Variants in SLC41A3 observed in about 807,000 individuals in gnomAD.
The protein encoded by SLC41A3 is SLC41A1-like 2.
SLC41A3 carries 44 observed loss-of-function variants against 45.4 expected under a neutral mutation model. The ratio of observed to expected loss-of-function variants is 0.97; its 90% CI spans 0.76 to 1.25. The LOEUF (loss-of-function observed/expected upper bound fraction) is 1.25. SLC41A3 is among the 50% of genes most tolerant of loss of function. SLC41A3 has a pLI of 0.00. For synonymous variants in SLC41A3, 256 were observed against 252.4 expected (o/e 1.01, Z -0.13); for missense variants, 550 against 600.6 (o/e 0.92, Z 0.88).
At chr3:126,018,377 G>A (rs1380676715) in intron 6 of SLC41A3, among the ~76,000 whole-genome samples, 2 of 152,168 alleles carry the variant, frequency 1.3e-5, no homozygotes. Flanking sequence ...TAGCTTAAAA[G>A]TAAAGTTAGG....
chr3:126,086,908 G>C (rs928975455), upstream of SLC41A3, among the ~76,000 whole-genome samples: 1 of 152,008 alleles, frequency 6.6e-6, no homozygotes, highest in Admixed American at 6.6e-5. Flanking sequence ...AAAAATAAAA[G>C]CACTTAAATA....
At chr3:126,052,944 A>T (rs1279268470) in intron 2 of SLC41A3, among the ~76,000 whole-genome samples, 1 of 152,194 alleles carries the variant, frequency 6.6e-6, no homozygotes, top group Admixed American at 6.5e-5. Flanking sequence ...TTCAGCAGGA[A>T]GCCTGGGCGG....
At chr3:126,027,855 G>A (rs1306262516) in intron 4 of SLC41A3, among the ~76,000 whole-genome samples, 1 of 152,174 alleles carries the variant, frequency 6.6e-6, no homozygotes, top group Non-Finnish European at 1.5e-5. Flanking sequence ...AAAGAACTTG[G>A]CTGCATTATA....
At chr3:126,050,841 T>C in intron 3 of SLC41A3, 102 bp downstream of exon 3, 1 of 1,450,066 alleles carries the variant, frequency 6.9e-7, no homozygotes, top group Non-Finnish European at 9.1e-7. Context: ...ATCCATTGTT[T>C]TGGAGAATCC....
chr3:126,093,372 AG>A (rs554167249), intron 1 of SLC41A3, among the ~76,000 whole-genome samples: 1 of 152,256 alleles, frequency 6.6e-6, no homozygotes, highest in Non-Finnish European at 1.5e-5. Context: ...AAATGCCATG[AG>A]GGGCCTGTCC....
At chr3:126,041,893 C>T (rs564145269) in intron 3 of SLC41A3, among the ~76,000 whole-genome samples, 6 of 152,148 alleles carry the variant, frequency 3.9e-5, no homozygotes, top group Non-Finnish European at 7.3e-5. Flanking sequence ...AGAGAAAATC[C>T]AACCAAGAAA....
intron 1 of SLC41A3, among the ~76,000 whole-genome samples, chr3:126,076,686 T>A (rs1009351484): frequency 6.6e-6 from 1 of 152,204 alleles, no homozygotes; most frequent in Admixed American, 6.5e-5. Context: ...TAACAACTCA[T>A]TCCTCCCCAC....
Position 126,033,456 on chromosome 3 carries a change from G to A in SLC41A3, c.453+151C>T, listed in dbSNP as rs540126864. ...AGCCTCCAGAAGCTGCGTGAATGTG[G>A]TCTATTGGATGTGGGAGGGACAGGT... On this transcript the variant is annotated intron_variant, in intron 4 of 10. Coordinates refer to ENST00000360370, the MANE Select transcript of SLC41A3 (RefSeq NM_017836.4). 73 of 796,122 alleles carry A rather than the reference G, an allele frequency of 9.2e-5. 1 individual carries two copies. The highest frequency in any genetic ancestry group is 6.8e-4 in the South Asian group (40 of 58,516). The allele number at this position is 796,122 out of a possible 1,614,324, so 49.3% of individuals were successfully genotyped here. A position where few individuals can be genotyped will look rare whatever the true frequency, so the allele number is the denominator to read the frequency against.
intron 5 of SLC41A3, chr3:126,025,619 C>A (rs1020816765): frequency 3.9e-5 from 6 of 152,032 alleles, no homozygotes; most frequent in African/African-American, 1.4e-4. Flanking sequence ...AGGATGGGGG[C>A]CCCACGAATG....
chr3:126,070,375 G>C (rs1406788939), intron 1 of SLC41A3: 2 of 152,212 alleles, frequency 1.3e-5, no homozygotes, highest in Non-Finnish European at 2.9e-5. Context: ...GCGCACGCAG[G>C]GGATCTAGGT....
At chr3:126,072,937 A>C (rs924391066) in intron 1 of SLC41A3, among the ~76,000 whole-genome samples, 1 of 152,250 alleles carries the variant, frequency 6.6e-6, no homozygotes, top group Non-Finnish European at 1.5e-5. Flanking sequence ...CTATGCAGCC[A>C]TGAAAAAACA....
intron 3 of SLC41A3, among the ~76,000 whole-genome samples, chr3:126,047,352 C>G (rs991807550): frequency 2.0e-5 from 3 of 152,008 alleles, no homozygotes; most frequent in African/African-American, 7.3e-5. Context: ...GACCCTGTCT[C>G]AAAACAAACA....
chr3:126,008,345 GTGTGTGGTGTGCAC>G (rs1157774087), intron 10 of SLC41A3, among the ~76,000 whole-genome samples: 3 of 152,190 alleles, frequency 2.0e-5, no homozygotes, highest in Non-Finnish European at 4.4e-5. Context: ...AGTGTGTAGT[GTGTGTGGTGTGCAC>G]TGTGTGGTGT....
chr3:126,052,487 C>A (rs1943396843), intron 2 of SLC41A3, among the ~76,000 whole-genome samples: 1 of 152,222 alleles, frequency 6.6e-6, no homozygotes, highest in Non-Finnish European at 1.5e-5. Context: ...CGCCACCCAG[C>A]AGCCTTCCTC....
intron 2 of SLC41A3, chr3:126,056,244 G>C (rs765141315): frequency 8.8e-6 from 12 of 1,360,060 alleles, no homozygotes; most frequent in Non-Finnish European, 1.2e-5. Context: ...GCAGGTTGAG[G>C]GCTGCCCTCC....
At chr3:126,033,536 C>T (rs1576268002) in intron 4 of SLC41A3, 71 bp downstream of exon 4, 2 of 1,543,960 alleles carry the variant, frequency 1.3e-6, no homozygotes, top group East Asian at 2.3e-5. Flanking sequence ...CTCGCTTAGC[C>T]TTCACCCTTC....
chr3:126,094,992 G>T (rs1029220541), intron 1 of SLC41A3, among the ~76,000 whole-genome samples: 2 of 152,218 alleles, frequency 1.3e-5, no homozygotes, highest in Non-Finnish European at 2.9e-5. Context: ...ATACACAATT[G>T]AATCTAGCAT....
intron 2 of SLC41A3, among the ~76,000 whole-genome samples, chr3:126,055,471 G>A (rs1053423989): frequency 6.6e-5 from 10 of 152,084 alleles, no homozygotes; most frequent in Non-Finnish European, 1.2e-4. Flanking sequence ...CCGAGATCAC[G>A]CCATTGCATT....
intron 1 of SLC41A3, among the ~76,000 whole-genome samples, chr3:126,069,323 G>C (rs1944506400): frequency 6.6e-6 from 1 of 151,990 alleles, no homozygotes; most frequent in South Asian, 2.1e-4. Flanking sequence ...ACTGGGTAAA[G>C]ACCAGGAGGC....
Sources: allele counts gnomAD v4.1 joint callset (sites outside exome capture counted in the v4.1 genomes callset), GRCh38; gene constraint gnomAD v4.1.1; transcripts MANE v1.5; gene names NCBI Gene and HGNC (gene_info 2026-07-23, HGNC 2026-07-21).